CNTNAP2: variants seen among roughly 807,000 people sequenced by gnomAD.
CNTNAP2 encodes the protein contactin-associated protein-like 2.
A neutral mutation model predicts 155.2 loss-of-function variants in CNTNAP2; 98 were observed. That is an observed-to-expected ratio of 0.63 (90% CI 0.54 to 0.75). CNTNAP2 has a LOEUF of 0.75. Ranked by LOEUF, CNTNAP2 falls within the 30% of genes least tolerant of loss-of-function variation. CNTNAP2 has a pLI of 0.00. For missense variants in CNTNAP2, 1,727 were observed against 1,688.1 expected (o/e 1.02, Z -0.40); for synonymous variants, 651 against 631.2 (o/e 1.03, Z -0.47).
At chr7:147,261,913 TAAG>T (rs1414113825) in intron 8 of CNTNAP2, among the ~76,000 whole-genome samples, 2 of 152,216 alleles carry the variant, frequency 1.3e-5, no homozygotes, top group African/African-American at 4.8e-5. Context: ...AGAAGATAAT[TAAG>T]AATCATAATT....
chr7:146,624,955 A>G (rs1267701546), intron 1 of CNTNAP2, among the ~76,000 whole-genome samples: 1 of 151,988 alleles, frequency 6.6e-6, no homozygotes, highest in Non-Finnish European at 1.5e-5. Context: ...CTTATAAATT[A>G]TGTAGGTCCA....
chr7:147,057,858 T>C (rs141686477), intron 4 of CNTNAP2, among the ~76,000 whole-genome samples: 1 of 152,298 alleles, frequency 6.6e-6, no homozygotes, highest in East Asian at 1.9e-4. Context: ...CATGCTGAGA[T>C]TTCCATAGAC....
chr7:147,021,301 A>T (rs149002941), intron 3 of CNTNAP2, among the ~76,000 whole-genome samples: 46 of 152,296 alleles, frequency 3.0e-4, no homozygotes, highest in Non-Finnish European at 5.9e-4. Context: ...AAAAGATTGG[A>T]TGCCTCTATT....
At chr7:146,433,178 CT>C (rs1796195551) in intron 1 of CNTNAP2, among the ~76,000 whole-genome samples, 1 of 152,172 alleles carries the variant, frequency 6.6e-6, no homozygotes, top group South Asian at 2.1e-4. Context: ...TCCATGTTCT[CT>C]CTGCTAAATT....
chr7:147,684,471 T>G (rs1795991378), intron 13 of CNTNAP2, among the ~76,000 whole-genome samples: 1 of 151,866 alleles, frequency 6.6e-6, no homozygotes, highest in Admixed American at 6.6e-5. Flanking sequence ...TAAAAGCCAA[T>G]AAGACAAATT....
intron 12 of CNTNAP2, among the ~76,000 whole-genome samples, chr7:147,589,913 G>A (rs1800705981): frequency 6.6e-6 from 1 of 152,136 alleles, no homozygotes; most frequent in African/African-American, 2.4e-5. Flanking sequence ...CAGCAGCGTG[G>A]AAGATCCTGT....
chr7:147,893,789 G>A (rs139634855), intron 13 of CNTNAP2, among the ~76,000 whole-genome samples: 3 of 152,114 alleles, frequency 2.0e-5, no homozygotes, highest in African/African-American at 7.2e-5. Context: ...AGCTACCATG[G>A]CCCAGATCTT....
At chr7:147,677,438 C>A (rs529005190) in intron 13 of CNTNAP2, among the ~76,000 whole-genome samples, 1 of 151,882 alleles carries the variant, frequency 6.6e-6, no homozygotes, top group African/African-American at 2.4e-5. Flanking sequence ...GTGTAGTTTG[C>A]AAATATTTTC....
Position 147,893,305 on chromosome 7 carries a change from G to GA in CNTNAP2, c.2099-10253dup, listed in dbSNP as rs199691937. Among the ~76,000 whole-genome samples, 1,139 of 151,894 alleles carry GA rather than the reference G, an allele frequency of 7.5e-3. 16 individuals are homozygous for GA. The highest frequency in any genetic ancestry group is 0.026 in the African/African-American group (1,078 of 41,452). On this transcript the variant is annotated intron_variant, in intron 13 of 23. Coordinates refer to ENST00000361727, the MANE Select transcript of CNTNAP2 (RefSeq NM_014141.6). ...CTCCAGACCATGGTTATAAAACTGA[G>GA]AAAAAAAGTATTAAAAGGACTGTAT...
At chr7:146,319,353 C>T (rs1480572559) in intron 1 of CNTNAP2, among the ~76,000 whole-genome samples, 1 of 152,132 alleles carries the variant, frequency 6.6e-6, no homozygotes, top group Non-Finnish European at 1.5e-5. Context: ...AGGGATTTCA[C>T]TGTCATATCA....
At chr7:147,861,712 A>T (rs1799135539) in intron 13 of CNTNAP2, among the ~76,000 whole-genome samples, 1 of 152,172 alleles carries the variant, frequency 6.6e-6, no homozygotes, top group Admixed American at 6.5e-5. Context: ...ATATCCTTAA[A>T]GTGGCATATA....
intron 8 of CNTNAP2, among the ~76,000 whole-genome samples, chr7:147,183,332 A>G (rs1203078794): frequency 6.6e-6 from 1 of 152,210 alleles, no homozygotes; most frequent in African/African-American, 2.4e-5. Flanking sequence ...TAAAGAGATT[A>G]ATCATAAATA....
chr7:146,205,710 C>T (rs73739540), intron 1 of CNTNAP2, among the ~76,000 whole-genome samples: 7,366 of 151,796 alleles, frequency 0.049, 581 homozygotes, highest in African/African-American at 0.17. Flanking sequence ...TGAATGAATC[C>T]GGCCATAGGA....
chr7:147,954,166 G>A (rs1359575166), intron 14 of CNTNAP2, among the ~76,000 whole-genome samples: 1 of 152,082 alleles, frequency 6.6e-6, no homozygotes, highest in Non-Finnish European at 1.5e-5. Flanking sequence ...ATGGAGAGAC[G>A]CATAAATGAA....
chr7:146,950,914 T>A (rs1477525466), intron 3 of CNTNAP2, among the ~76,000 whole-genome samples: 1 of 152,188 alleles, frequency 6.6e-6, no homozygotes, highest in African/African-American at 2.4e-5. Context: ...CCACCAACAG[T>A]GTAAAAGTGT....
chr7:146,878,383 AT>A, intron 3 of CNTNAP2, among the ~76,000 whole-genome samples: 1 of 147,474 alleles, frequency 6.8e-6, no homozygotes, highest in South Asian at 2.1e-4. Flanking sequence ...ACTTAGGAAT[AT>A]TTTTTTACAG....
At chr7:147,022,040 T>C (rs1218761274) in intron 3 of CNTNAP2, among the ~76,000 whole-genome samples, 1 of 152,164 alleles carries the variant, frequency 6.6e-6, no homozygotes, top group African/African-American at 2.4e-5. Flanking sequence ...ATATGAAATA[T>C]TCTATACTCT....
intron 2 of CNTNAP2, among the ~76,000 whole-genome samples, chr7:146,799,080 T>C (rs781510772): frequency 1.3e-5 from 2 of 152,210 alleles, no homozygotes; most frequent in African/African-American, 2.4e-5. Flanking sequence ...GTATTGGAAA[T>C]GTGATAAACA....
chr7:148,324,794 C>CAAAAACAAAA (rs1797861254), intron 21 of CNTNAP2, among the ~76,000 whole-genome samples: 1 of 105,820 alleles, frequency 9.5e-6, no homozygotes, highest in Non-Finnish European at 1.9e-5. Context: ...GACTCCATCT[C>CAAAAACAAAA]AAAAAAAAAA....
Sources: allele counts gnomAD v4.1 joint callset (sites outside exome capture counted in the v4.1 genomes callset), GRCh38; gene constraint gnomAD v4.1.1; transcripts MANE v1.5; gene names NCBI Gene and HGNC (gene_info 2026-07-23, HGNC 2026-07-21).